The following GABBR2 variants were observed in gnomAD, a reference collection of about 807,000 sequenced individuals.
The protein encoded by GABBR2 is G-protein coupled receptor 51.
Under a neutral mutation model 105.6 loss-of-function variants are expected in GABBR2, and 23 were observed. The ratio of observed to expected loss-of-function variants is 0.22; its 90% CI spans 0.16 to 0.31. The LOEUF (loss-of-function observed/expected upper bound fraction) is 0.31, where lower values mean the gene tolerates loss of function less well. GABBR2 is among the 10% of genes least tolerant of loss of function. GABBR2 has a pLI of 1.00. For missense variants in GABBR2, 734 were observed against 1,245.5 expected, an observed-to-expected ratio of 0.59 and a Z score of 6.18; for synonymous variants, 478 against 499.7, an observed-to-expected ratio of 0.96 and a Z score of 0.58.
intron 7 of GABBR2, among the ~76,000 whole-genome samples, chr9:98,446,994 T>C (rs1826140972): frequency 6.6e-6 from 1 of 152,094 alleles, no homozygotes; most frequent in African/African-American, 2.4e-5. Flanking sequence ...TTTTCCTTAT[T>C]TCTGGATGGA....
chr9:98,576,981 T>A (rs1828920898), intron 2 of GABBR2, among the ~76,000 whole-genome samples: 1 of 151,016 alleles, frequency 6.6e-6, no homozygotes, highest in Admixed American at 6.6e-5. Flanking sequence ...GATGTATGGA[T>A]GGATGGATGT....
intron 3 of GABBR2, among the ~76,000 whole-genome samples, chr9:98,513,157 A>G (rs1255927028): frequency 6.6e-6 from 1 of 152,238 alleles, no homozygotes; most frequent in African/African-American, 2.4e-5. Context: ...CAATGGGGAA[A>G]GGATTCCCTA....
At position 98,406,096 on chromosome 9, in the gene GABBR2, A is replaced by G; in HGVS notation, c.1282T>C (p.Phe428Leu). Reference sequence around the variant, plus strand: ...AAATGCCTACCTTGAAATTGAGTAAATTTAATGGTCCCCATTCTCTCCCCA... The same window carrying G: ...AAATGCCTACCTTGAAATTGAGTAAGTTTAATGGTCCCCATTCTCTCCCCA... Reference protein sequence around the residue: ...RNGERMGTIKFTQFQDSREVK... With the variant: ...RNGERMGTIKLTQFQDSREVK... Residue 428 changes from phenylalanine (F) to leucine (L), a missense_variant, in exon 8 of 19, where the codon TTT becomes CTT. Physicochemically the swap from Phe to Leu is conservative, Grantham distance 22. This residue lies in a region of GABBR2 where 370 missense variants were observed against 648.9 expected (regional missense o/e 0.57). Transcript: ENST00000259455. 1 of 1,574,446 alleles carries G rather than the reference A, an allele frequency of 6.4e-7. No homozygotes were observed. The highest frequency in any genetic ancestry group is 8.7e-7 in the Non-Finnish European group (1 of 1,150,210).
intron 15 of GABBR2, among the ~76,000 whole-genome samples, chr9:98,304,933 G>GAGTA (rs1830527982): frequency 1.0e-5 from 1 of 98,098 alleles, no homozygotes; most frequent in African/African-American, 4.2e-5. Context: ...CACCACACCT[G>GAGTA]GCTTTTTTTT....
chr9:98,610,581 A>G (rs1284252000), intron 1 of GABBR2, among the ~76,000 whole-genome samples: 1 of 152,196 alleles, frequency 6.6e-6, no homozygotes, highest in African/African-American at 2.4e-5. Flanking sequence ...TGAGGCAGAA[A>G]TAGACTAGAC....
At chr9:98,615,827 A>C (rs1829575099) in intron 1 of GABBR2, among the ~76,000 whole-genome samples, 1 of 152,156 alleles carries the variant, frequency 6.6e-6, no homozygotes. Context: ...TTGCTCCCAG[A>C]ACAAAAGCCA....
At chr9:98,600,676 G>A (rs1296324460) in intron 1 of GABBR2, among the ~76,000 whole-genome samples, 1 of 152,220 alleles carries the variant, frequency 6.6e-6, no homozygotes, top group Non-Finnish European at 1.5e-5. Context: ...GTTCACCTCT[G>A]CAGGTTCCCC....
At chr9:98,497,394 C>A (rs944427785) in intron 3 of GABBR2, among the ~76,000 whole-genome samples, 1 of 151,626 alleles carries the variant, frequency 6.6e-6, no homozygotes, top group Non-Finnish European at 1.5e-5. Flanking sequence ...ATATAAAATC[C>A]CCTAATTTTT....
At chr9:98,404,505 G>T (rs1407837928) in intron 8 of GABBR2, among the ~76,000 whole-genome samples, 1 of 152,128 alleles carries the variant, frequency 6.6e-6, no homozygotes, top group Non-Finnish European at 1.5e-5. Context: ...ATGGCGCTGG[G>T]ATCTGCTCAA....
intron 7 of GABBR2, among the ~76,000 whole-genome samples, chr9:98,413,799 A>G (rs1273378663): frequency 1.3e-5 from 2 of 152,216 alleles, no homozygotes; most frequent in Non-Finnish European, 2.9e-5. Flanking sequence ...GCGGGGACCT[A>G]GAGAAGATGG....
chr9:98,539,605 A>T (rs113714266), intron 3 of GABBR2, among the ~76,000 whole-genome samples: 72 of 152,246 alleles, frequency 4.7e-4, no homozygotes, highest in African/African-American at 1.7e-3. Flanking sequence ...AGGCTCTGAC[A>T]GCCAAAGATG....
intron 3 of GABBR2, among the ~76,000 whole-genome samples, chr9:98,526,766 A>G (rs79586360): frequency 6.6e-6 from 1 of 152,330 alleles, no homozygotes; most frequent in African/African-American, 2.4e-5. Flanking sequence ...AAGGAAACTG[A>G]TGACTATAAT....
intron 7 of GABBR2, among the ~76,000 whole-genome samples, chr9:98,415,860 C>T (rs1832681475): frequency 6.6e-6 from 1 of 152,128 alleles, no homozygotes; most frequent in African/African-American, 2.4e-5. Context: ...TAACAACATG[C>T]CATTCTCCCT....
At chr9:98,605,842 G>A (rs1829409324) in intron 1 of GABBR2, among the ~76,000 whole-genome samples, 1 of 152,172 alleles carries the variant, frequency 6.6e-6, no homozygotes, top group South Asian at 2.1e-4. Context: ...TGTTACATAT[G>A]TATACATGTG....
rs772431319 is a variant in GABBR2, at chr9:98,480,912, G to A, written c.798+20C>T. ...CGTGAACCTCCCCAAAGACACGAAT[G>A]ATACAACTGTTTTACTTACACAACA... On this transcript the variant is annotated intron_variant, in intron 5 of 18. Coordinates refer to ENST00000259455, the MANE Select transcript of GABBR2 (RefSeq NM_005458.8). The A allele has an allele frequency of 1.4e-6, 2 of 1,469,138 alleles. No homozygotes were observed. Among genetic ancestry groups the A allele is most frequent in the African/African-American group, 1.4e-5 (1 of 72,182 alleles). 91.0% of individuals were successfully genotyped at this position (1,469,138 alleles called of 1,614,324 possible). A position where few individuals can be genotyped will look rare whatever the true frequency, so the allele number is the denominator to read the frequency against.
intron 1 of GABBR2, among the ~76,000 whole-genome samples, chr9:98,675,542 A>G (rs1830466221): frequency 6.6e-6 from 1 of 152,174 alleles, no homozygotes; most frequent in South Asian, 2.1e-4. Context: ...GAAAACTAGG[A>G]GAACAAGCCA....
At chr9:98,658,096 A>T (rs1211151018) in intron 1 of GABBR2, among the ~76,000 whole-genome samples, 1 of 152,138 alleles carries the variant, frequency 6.6e-6, no homozygotes, top group Non-Finnish European at 1.5e-5. Flanking sequence ...ATTCCTTTTA[A>T]CTCATTTTTC....
chr9:98,582,274 A>G (rs553267368), intron 1 of GABBR2, among the ~76,000 whole-genome samples: 17 of 152,360 alleles, frequency 1.1e-4, no homozygotes, highest in African/African-American at 3.8e-4. Context: ...TGGAAGCATG[A>G]GATGGATTTG....
rs190707794 is a variant in GABBR2, at chr9:98,416,138, T to C, written c.1237-9997A>G. Reference sequence around the variant, plus strand: ...ATGGTAGATTTCAAGCTATCAATGATTTAACAGCTGGCTCACAAATTCCTG... The same window carrying C: ...ATGGTAGATTTCAAGCTATCAATGACTTAACAGCTGGCTCACAAATTCCTG... On this transcript the variant is annotated intron_variant, in intron 7 of 18. Transcript: ENST00000259455. Among the ~76,000 whole-genome samples, 335 of 152,308 alleles carry C rather than the reference T, an allele frequency of 2.2e-3. 3 individuals are homozygous for C. The highest frequency in any genetic ancestry group is 0.014 in the Middle Eastern group (4 of 294).
Sources: gnomAD v4.1 joint callset for allele counts (sites outside exome capture counted in the v4.1 genomes callset) on GRCh38, gnomAD v4.1.1 for gene constraint, gnomAD v4.1.1 regional missense constraint, MANE v1.5 for transcripts, NCBI Gene and HGNC (gene_info 2026-07-23, HGNC 2026-07-21) for gene names.